Variants in SHLD3 observed in about 807,000 individuals in gnomAD.
SHLD3 encodes the protein REV7-interacting novel NHEJ regulator 1.
SHLD3 carries 15 observed loss-of-function variants against 21.4 expected under a neutral mutation model. The ratio of observed to expected loss-of-function variants is 0.70; its 90% CI spans 0.47 to 1.08. The LOEUF is 1.08. SHLD3 is among the 50% of genes least tolerant of loss of function. The pLI, the probability that SHLD3 is intolerant of heterozygous loss-of-function variation, is 0.00. For synonymous variants in SHLD3, 103 were observed against 97.2 expected, an observed-to-expected ratio of 1.06 and a Z score of -0.35; for missense variants, 273 against 286.1, an observed-to-expected ratio of 0.95 and a Z score of 0.33.
chr5:65,625,730 A>AT (rs1440419506), intron 1 of SHLD3, among the ~76,000 whole-genome samples: 3 of 151,924 alleles, frequency 2.0e-5, no homozygotes, highest in Non-Finnish European at 2.9e-5. Flanking sequence ...TTTTAGGACA[A>AT]TTTTTTTAAT....
Position 65,629,612 on chromosome 5 carries a change from T to C in SHLD3, c.25T>C (p.Tyr9His). 6.5e-7 allele frequency: 1 copy of C among 1,534,510 alleles called. No homozygotes were observed. The highest frequency in any genetic ancestry group is 8.7e-7 in the Non-Finnish European group (1 of 1,146,072). MTTEVILHYRPCESDPTQL... is the reference protein window; with the variant it reads MTTEVILHHRPCESDPTQL... Reference sequence around the variant, plus strand: ...AATGACTACAGAAGTAATATTACATTATCGACCATGTGAGAGTGATCCCAC... The same window carrying C: ...AATGACTACAGAAGTAATATTACATCATCGACCATGTGAGAGTGATCCCAC... Residue 9 changes from tyrosine (Y) to histidine (H), a missense_variant, in exon 2 of 2, where the codon TAT (tyrosine) becomes CAT (histidine). Transcript: ENST00000510585.
At chr5:65,625,286 C>T (rs1347679352) in intron 1 of SHLD3, 180 bp downstream of exon 1, 1 of 602,618 alleles carries the variant, frequency 1.7e-6, no homozygotes, top group South Asian at 2.0e-5. Context: ...TTATGGGCCC[C>T]TTTCTAGAAC....
rs753483534 is a variant in SHLD3, at chr5:65,625,105, A to G, written c.-122A>G. On this transcript the variant is annotated splice_region_variant and 5_prime_UTR_variant, in exon 1 of 2. Transcript: ENST00000510585. ...AACAGGAGCACCTGCTGGCGCTAAA[A>G]GGTAAACTTTTGCGAACCTGATTCC... The G allele has an allele frequency of 4.3e-6, 7 of 1,613,536 alleles. 1 individual carries two copies. The highest frequency in any genetic ancestry group is 5.9e-6 in the Non-Finnish European group (7 of 1,179,478).
In SHLD3 at chr5:65,629,869, A is replaced by G. The variant is rs1165161917; in HGVS notation, c.282A>G (p.Gln94=). 1 of 1,536,086 alleles carries G rather than the reference A, an allele frequency of 6.5e-7. No individual in the cohort carries two copies. The highest frequency in any genetic ancestry group is 2.4e-5 in the East Asian group (1 of 40,910). ...YDCTVDLLEF[Q]PSLKKQHLTW... is the part of the protein sequence containing the mutation. ...GCACAGTAGATCTATTGGAGTTTCA[A>G]CCTAGCTTGAAAAAGCAGCATTTAA... The change falls in exon 2 of 2, where the codon CAA becomes CAG. Residue 94 remains glutamine, a synonymous_variant. Transcript: ENST00000510585.
intron 1 of SHLD3, among the ~76,000 whole-genome samples, chr5:65,627,131 C>CAAAAAAAAAAAAAAAAAAAA (rs60169195): frequency 7.4e-4 from 24 of 32,576 alleles, no homozygotes; most frequent in Non-Finnish European, 1.2e-3. Context: ...GACCCTGTCT[C>CAAAAAAAAAAAAAAAAAAAA]AAAAAAAAAA....
At chr5:65,627,395 G>GT in intron 1 of SHLD3, among the ~76,000 whole-genome samples, 1 of 151,876 alleles carries the variant, frequency 6.6e-6, no homozygotes, top group African/African-American at 2.4e-5. Flanking sequence ...TCTTGGTTGG[G>GT]TGAGGTGGCT....
Position 65,629,647 on chromosome 5 carries a change from A to G in SHLD3, c.60A>G (p.Pro20=). ...GTGAGAGTGATCCCACACAACTGCCAAAAATTGCAGAAAAAGCAATTCAAG... is the reference window on the plus strand; with the variant it reads ...GTGAGAGTGATCCCACACAACTGCCGAAAATTGCAGAAAAAGCAATTCAAG... The part of the protein sequence containing the change: ...RPCESDPTQL[P]KIAEKAIQDF... The change falls in exon 2 of 2, where the codon CCA becomes CCG. Residue 20 remains proline (P), a synonymous_variant. Transcript: ENST00000510585. 7 of 1,536,084 alleles carry G rather than the reference A, an allele frequency of 4.6e-6. No homozygotes were observed. The highest frequency in any genetic ancestry group is 6.1e-6 in the Non-Finnish European group (7 of 1,146,858).
In SHLD3 at chr5:65,630,339, A is replaced by G; in HGVS notation, c.752A>G (p.Ter251=). Residue 251 remains the stop codon, a stop_retained_variant, in exon 2 of 2, where the codon TAA becomes TGA. Coordinates refer to ENST00000510585, the MANE Select transcript of SHLD3 (RefSeq NM_001365341.2). ...VHKYGVIFSM[*] is the part of the protein sequence containing the mutation. ...AAATATGGTGTTATTTTTAGTATGT[A>G]ATGAATTCCACTGATTGTCAAAAAG... is the stretch of plus-strand genomic sequence containing the variant. 2.0e-6 allele frequency: 3 copies of G among 1,497,544 alleles called. No homozygotes were observed. Among genetic ancestry groups the G allele is most frequent in the Non-Finnish European group, 2.7e-6 (3 of 1,124,866 alleles). The allele number at this position is 1,497,544 out of a possible 1,614,324, so 92.8% of individuals were successfully genotyped here.
chr5:65,629,951 G>A lies in SHLD3; in HGVS notation c.364G>A (p.Glu122Lys), dbSNP rs1561761168. Residue 122 changes from glutamate to lysine, a missense_variant, in exon 2 of 2, where the codon GAA (glutamate) becomes AAA (lysine). Physicochemically the swap from Glu to Lys is moderately conservative, Grantham distance 56. Transcript: ENST00000510585. ...TNSGNLGKQSEKGKQHKRRSW... is the reference protein window; with the variant it reads ...TNSGNLGKQSKKGKQHKRRSW... ...TTCTGGAAATCTGGGTAAACAATCA[G>A]AAAAGGGAAAACAGCACAAGAGGAG... 1 of 1,536,048 alleles carries A rather than the reference G, an allele frequency of 6.5e-7. No homozygotes were observed. Among genetic ancestry groups the A allele is most frequent in the Non-Finnish European group, 8.7e-7 (1 of 1,146,870 alleles).
At position 65,629,682 on chromosome 5, in the gene SHLD3, C is replaced by T. The variant is rs1463204848; in HGVS notation, c.95C>T (p.Thr32Ile). The T allele has an allele frequency of 3.9e-6, 6 of 1,535,946 alleles. No homozygotes were observed. In the African/African-American group the frequency reaches 6.8e-5, roughly 18 times the overall value. The stretch of plus-strand genomic sequence containing the variant: ...GAAAAAGCAATTCAAGACTTTCCTA[C>T]TCGTCCGCTATCAAGATTTATACCT... ...IAEKAIQDFP[T>I]RPLSRFIPWF... The change falls in exon 2 of 2, where the codon ACT becomes ATT. Residue 32 changes from threonine (T) to isoleucine (I), a missense_variant. Coordinates refer to ENST00000510585, the MANE Select transcript of SHLD3 (RefSeq NM_001365341.2).
intron 1 of SHLD3, among the ~76,000 whole-genome samples, chr5:65,628,303 G>T (rs912359461): frequency 1.3e-5 from 2 of 152,078 alleles, no homozygotes; most frequent in Non-Finnish European, 2.9e-5. Context: ...TAATTGCCTG[G>T]ATTATGAGGA....
In SHLD3 at chr5:65,630,104, C is replaced by T. The variant is rs1755464874; in HGVS notation, c.517C>T (p.His173Tyr). ...SLYRARWTIE[H>Y]TICNSQTLED... ...TTATAGAGCAAGATGGACAATAGAACACACTATTTGTAACAGCCAAACTCT... is the reference window on the plus strand; with the variant it reads ...TTATAGAGCAAGATGGACAATAGAATACACTATTTGTAACAGCCAAACTCT... The change falls in exon 2 of 2, where the codon CAC (histidine) becomes TAC (tyrosine). Residue 173 changes from histidine (H) to tyrosine (Y), a missense_variant. By Grantham distance (83) the His-to-Tyr change is moderately conservative. Transcript: ENST00000510585. 6.5e-7 allele frequency: 1 copy of T among 1,535,884 alleles called. No homozygotes were observed. The highest frequency in any genetic ancestry group is 2.0e-5 in the Admixed American group (1 of 50,974).
chr5:65,628,457 T>A (rs930358213), intron 1 of SHLD3, among the ~76,000 whole-genome samples: 1 of 151,928 alleles, frequency 6.6e-6, no homozygotes, highest in African/African-American at 2.4e-5. Context: ...GTGGAATCCA[T>A]ATAATTTTTT....
chr5:65,627,363 G>A (rs1160672373), intron 1 of SHLD3, among the ~76,000 whole-genome samples: 2 of 151,994 alleles, frequency 1.3e-5, no homozygotes, highest in African/African-American at 4.8e-5. Context: ...TATGTAAAAT[G>A]TTAAAGATAA....
rs573598156 is a variant in SHLD3, at chr5:65,630,330, T to C, written c.743T>C (p.Phe248Ser). 1.7e-5 allele frequency: 25 copies of C among 1,513,160 alleles called. No individual in the cohort carries two copies. In the African/African-American group the frequency reaches 3.2e-4, roughly 19 times the overall value. 93.7% of individuals were successfully genotyped at this position (1,513,160 alleles called of 1,614,324 possible). ...TTTGTGCATAAATATGGTGTTATTTTTAGTATGTAATGAATTCCACTGATT... is the reference window on the plus strand; with the variant it reads ...TTTGTGCATAAATATGGTGTTATTTCTAGTATGTAATGAATTCCACTGATT... ...NLFVHKYGVI[F>S]SM Residue 248 changes from phenylalanine to serine, a missense_variant, in exon 2 of 2, where the codon TTT becomes TCT. Physicochemically the swap from Phe to Ser is radical, Grantham distance 155. Coordinates refer to ENST00000510585, the MANE Select transcript of SHLD3 (RefSeq NM_001365341.2).
intron 1 of SHLD3, among the ~76,000 whole-genome samples, chr5:65,628,660 C>T (rs1012207963): frequency 8.6e-5 from 13 of 151,528 alleles, no homozygotes; most frequent in African/African-American, 2.4e-4. Flanking sequence ...TTAGTAGAGC[C>T]GGAGTTTCAC....
rs1755144441 is a variant in SHLD3, at chr5:65,625,106, G to T, written c.-121G>T. 1.9e-6 allele frequency: 3 copies of T among 1,613,620 alleles called. No homozygotes were observed. The highest frequency in any genetic ancestry group is 2.5e-6 in the Non-Finnish European group (3 of 1,179,568). ...ACAGGAGCACCTGCTGGCGCTAAAA[G>T]GTAAACTTTTGCGAACCTGATTCCC... On this transcript the variant is annotated splice_region_variant and 5_prime_UTR_variant, in exon 1 of 2. In the 5' UTR this introduces an upstream ATG that the reference lacks. Coordinates refer to ENST00000510585, the MANE Select transcript of SHLD3 (RefSeq NM_001365341.2).
At position 65,629,795 on chromosome 5, in the gene SHLD3, C is replaced by G; in HGVS notation, c.208C>G (p.Gln70Glu). 6.5e-7 allele frequency: 1 copy of G among 1,536,050 alleles called. No homozygotes were observed. Among genetic ancestry groups the G allele is most frequent in the Non-Finnish European group, 8.7e-7 (1 of 1,146,860 alleles). ...TGAAGAGGCAGCTGAAGATGTGAAA[C>G]AGTACTTAACCATTTCAGAACATGA... ...ISEEAAEDVKQYLTISEHDAK... is the reference protein window; with the variant it reads ...ISEEAAEDVKEYLTISEHDAK... Residue 70 changes from glutamine to glutamate, a missense_variant, in exon 2 of 2, where the codon CAG becomes GAG. By Grantham distance (29) the Gln-to-Glu change is conservative. Transcript: ENST00000510585.
intron 1 of SHLD3, 39 bp from the exon 2 acceptor site, chr5:65,629,429 C>G (rs43207): frequency 1.5e-6 from 2 of 1,320,048 alleles, no homozygotes; most frequent in African/African-American, 3.0e-5. Flanking sequence ...GGCAGGGTAT[C>G]CCTACCATAT....
Sources: allele counts gnomAD v4.1 joint callset (sites outside exome capture counted in the v4.1 genomes callset), GRCh38; gene constraint gnomAD v4.1.1; transcripts MANE v1.5; gene names NCBI Gene and HGNC (gene_info 2026-07-23, HGNC 2026-07-21).